The following PAK6 variants were observed in gnomAD, a reference collection of about 807,000 sequenced individuals.
PAK6 encodes p21 (RAC1) activated kinase 6, also known as serine/threonine-protein kinase PAK 6.
Under a neutral mutation model 60.8 loss-of-function variants are expected in PAK6, and 33 were observed. The observed-to-expected ratio is 0.54, with a 90% CI of 0.41 to 0.73. PAK6 has a LOEUF of 0.73. Among genes scored for constraint, PAK6 ranks in the 30% least tolerant of loss-of-function variants. The pLI, the probability that PAK6 is intolerant of heterozygous loss-of-function variation, is 0.00. For missense variants in PAK6, 845 were observed against 904.1 expected (o/e 0.93, Z 0.84); for synonymous variants, 404 against 378.5 (o/e 1.07, Z -0.78).
exon 5 of PAK6, chr15:40,266,482 C>T: frequency 6.2e-7 from 1 of 1,604,890 alleles, no homozygotes; most frequent in Non-Finnish European, 8.5e-7. Context: ...CCAGGCCCTC[C>T]ACCACAGAGC....
intron 2 of PAK6, chr15:40,252,594 G>T: frequency 7.4e-7 from 1 of 1,354,944 alleles, no homozygotes; most frequent in Non-Finnish European, 9.8e-7. Context: ...GTGTAAGCGC[G>T]GCCCCTCCTC....
intron 2 of PAK6, among the ~76,000 whole-genome samples, chr15:40,243,265 G>T (rs1441625077): frequency 6.6e-6 from 1 of 152,202 alleles, no homozygotes; most frequent in African/African-American, 2.4e-5. Flanking sequence ...GGAGGTGAAG[G>T]CTCGGGGAGA....
intron 3 of PAK6, chr15:40,257,128 G>T (rs2038857283): frequency 6.6e-6 from 1 of 152,596 alleles, no homozygotes; most frequent in African/African-American, 2.4e-5. Context: ...GCCTGGGCCT[G>T]CCGCCCCCCT....
intron 3 of PAK6, among the ~76,000 whole-genome samples, chr15:40,253,683 G>A (rs2038755037): frequency 6.6e-6 from 1 of 152,210 alleles, no homozygotes; most frequent in Non-Finnish European, 1.5e-5. Flanking sequence ...CAGGGTGGGA[G>A]GCAGCCGTGG....
chr15:40,264,021 C>T (rs2039053150), intron 3 of PAK6: 1 of 449,212 alleles, frequency 2.2e-6, no homozygotes, highest in African/African-American at 2.0e-5. Flanking sequence ...TTAGCTGCCC[C>T]TCACCCACCC....
rs375354593 is a variant in PAK6 at position 40,252,642 on chromosome 15, G to T, written c.-117-536G>T. ...CCGAGGTCCCTCCCGCGGAGGGCGG[G>T]CCCGGCTCCCACGACCTCTTCGAGC... On this transcript the variant is annotated intron_variant, in intron 2 of 10. Coordinates refer to ENST00000560346, the Ensembl canonical transcript of PAK6. 4 of 1,331,426 alleles carry T rather than the reference G, an allele frequency of 3.0e-6. No individual in the cohort carries two copies. The Admixed American group carries it at 6.3e-5, about 21-fold the overall frequency. 82.5% of individuals were successfully genotyped at this position (1,331,426 alleles called of 1,614,324 possible). A position where few individuals can be genotyped will look rare whatever the true frequency, so the allele number is the denominator to read the frequency against.
exon 2 of PAK6, chr15:40,240,655 C>A (rs774629553): frequency 2.3e-6 from 1 of 444,098 alleles, no homozygotes; most frequent in South Asian, 1.6e-5. Context: ...GAACGCAGGA[C>A]CCCGCTGCCC....
chr15:40,248,653 C>T (rs1375796272), intron 2 of PAK6, among the ~76,000 whole-genome samples: 2 of 152,216 alleles, frequency 1.3e-5, no homozygotes, highest in African/African-American at 2.4e-5. Flanking sequence ...AACCTGAGGG[C>T]CCCTCTGCCC....
chr15:40,258,324 G>T (rs2140966942), intron 3 of PAK6, among the ~76,000 whole-genome samples: 1 of 152,340 alleles, frequency 6.6e-6, no homozygotes, highest in East Asian at 1.9e-4. Context: ...AGCTGACTCA[G>T]TCCGGGGTAA....
At chr15:40,275,280 G>GTTTTTTTTGTTTTTTTTTT (rs2039418823) in intron 10 of PAK6, among the ~76,000 whole-genome samples, 1 of 56,486 alleles carries the variant, frequency 1.8e-5, no homozygotes, top group Non-Finnish European at 3.1e-5. Flanking sequence ...GTTGTTGTTG[G>GTTTTTTTTGTTTTTTTTTT]TTTTTTTTTT....
At position 40,264,377 on chromosome 15, in the gene PAK6, C is replaced by T. The variant is rs554086571; in HGVS notation, c.-5-404C>T. 1.7e-5 allele frequency: 8 copies of T among 458,860 alleles called. No individual in the cohort carries two copies. The East Asian group carries it at 5.5e-4, about 31-fold the overall frequency. The allele number at this position is 458,860 out of a possible 1,614,324, so 28.4% of individuals were successfully genotyped here. A position where few individuals can be genotyped will look rare whatever the true frequency, so the allele number is the denominator to read the frequency against. The stretch of plus-strand genomic sequence containing the variant: ...TCTGGTTTTAAGAATCAAGGTCATA[C>T]TCGTTTCATAAAACAAGCTTGCTAA... On this transcript the variant is annotated intron_variant, in intron 3 of 10. Coordinates refer to ENST00000560346, the Ensembl canonical transcript of PAK6.
At chr15:40,266,121 G>C (rs776421325) in exon 5 of PAK6, 6 of 1,609,666 alleles carry the variant, frequency 3.7e-6, no homozygotes, top group Admixed American at 1.7e-5. Context: ...GCCGTGGCCC[G>C]AGCCACAGAG....
At chr15:40,276,161 C>T in exon 11 of PAK6, 1 of 1,449,374 alleles carries the variant, frequency 6.9e-7, no homozygotes, top group Non-Finnish European at 9.6e-7. Context: ...AGCCTGCCGG[C>T]AGGACTTGCC....
At chr15:40,272,982 C>T in exon 7 of PAK6, 1 of 1,613,830 alleles carries the variant, frequency 6.2e-7, no homozygotes, top group African/African-American at 1.3e-5. Context: ...CCCTCACAGA[C>T]ATCGTCTCCC....
At chr15:40,239,151 C>A (rs1306285120), upstream of PAK6, 1 of 152,150 alleles carries the variant, frequency 6.6e-6, no homozygotes, top group Non-Finnish European at 1.5e-5. Context: ...CCGGGGCGCG[C>A]GGTGGAGGAG....
At chr15:40,257,293 A>G (rs1351922409) in intron 3 of PAK6, among the ~76,000 whole-genome samples, 1 of 152,202 alleles carries the variant, frequency 6.6e-6, no homozygotes, top group African/African-American at 2.4e-5. Flanking sequence ...CCCAACGCTG[A>G]CCCCTCCGGG....
intron 2 of PAK6, among the ~76,000 whole-genome samples, chr15:40,244,402 T>TC (rs2038442515): frequency 9.0e-6 from 1 of 110,506 alleles, no homozygotes; most frequent in African/African-American, 3.5e-5. Flanking sequence ...TTTTTCTTTT[T>TC]ATTTTTTTTT....
chr15:40,251,349 AGG>A (rs2038662254), intron 2 of PAK6: 1 of 152,230 alleles, frequency 6.6e-6, no homozygotes, highest in African/African-American at 2.4e-5. Context: ...GCAGCCACAC[AGG>A]GTACAGACCT....
intron 2 of PAK6, among the ~76,000 whole-genome samples, chr15:40,243,063 G>A (rs143208943): frequency 4.7e-4 from 72 of 152,298 alleles, no homozygotes; most frequent in East Asian, 1.7e-3. Flanking sequence ...AGGTGGCTTC[G>A]TCCTTTTGCC....
Sources: allele counts gnomAD v4.1 joint callset (sites outside exome capture counted in the v4.1 genomes callset), GRCh38; gene constraint gnomAD v4.1.1; transcripts MANE v1.5; gene names NCBI Gene and HGNC (gene_info 2026-07-23, HGNC 2026-07-21).